Variants in SORBS2 observed in about 807,000 individuals in gnomAD.
SORBS2 encodes the protein sorbin and SH3 domain-containing protein 2.
In SORBS2, 46 loss-of-function variants were observed where a neutral mutation model predicts 97.7. The ratio of observed to expected loss-of-function variants is 0.47; its 90% CI spans 0.37 to 0.60. The LOEUF (loss-of-function observed/expected upper bound fraction) is 0.60. SORBS2 is among the 20% of genes least tolerant of loss of function. The pLI is 0.00. For missense variants in SORBS2, 1,316 were observed against 1,282.3 expected (o/e 1.03, Z -0.40); for synonymous variants, 476 against 473.4 (o/e 1.01, Z -0.07).
intron 1 of SORBS2, among the ~76,000 whole-genome samples, chr4:185,872,077 T>C (rs1160852438): frequency 1.3e-5 from 2 of 152,208 alleles, no homozygotes; most frequent in African/African-American, 4.8e-5. Context: ...TATTAAAAAA[T>C]ACAATGGATT....
chr4:185,649,578 T>A, exon 3 of SORBS2: 1 of 1,604,760 alleles, frequency 6.2e-7, no homozygotes, highest in East Asian at 2.3e-5. Context: ...GTTGTCGGAG[T>A]GGCTTTTGGA....
intron 1 of SORBS2, among the ~76,000 whole-genome samples, chr4:185,797,348 T>A (rs2099109772): frequency 6.6e-6 from 1 of 152,228 alleles, no homozygotes. Context: ...TCGTAATCTT[T>A]TCTTGTGCCC....
chr4:185,699,838 TTAA>T (rs2098234120), intron 2 of SORBS2, among the ~76,000 whole-genome samples: 1 of 152,224 alleles, frequency 6.6e-6, no homozygotes, highest in African/African-American at 2.4e-5. Context: ...AAATGTATTA[TTAA>T]TATTTATATA....
Position 185,752,409 on chromosome 4 carries a change from T to G in SORBS2, c.-198+22818A>C, listed in dbSNP as rs188180707. Among the ~76,000 whole-genome samples, 546 of 152,138 alleles carry G rather than the reference T, an allele frequency of 3.6e-3. 2 individuals are homozygous for G. The highest frequency in any genetic ancestry group is 0.012 in the African/African-American group (504 of 41,508). On this transcript the variant is annotated intron_variant, in intron 2 of 20. Transcript: ENST00000284776. ...TCCTGCCTCAGCCTCCCGAGTAGCTTGGACTACAGGCGCCCGCCACCACAC... is the reference window on the plus strand; with the variant it reads ...TCCTGCCTCAGCCTCCCGAGTAGCTGGGACTACAGGCGCCCGCCACCACAC...
At position 185,614,994 on chromosome 4, in the gene SORBS2, C is replaced by T. The variant is rs7666643; in HGVS notation, c.2467-35G>A. On this transcript the variant is annotated intron_variant, in intron 10 of 14. Transcript: ENST00000418609. The stretch of plus-strand genomic sequence containing the variant: ...AAATAGTCATTTATTCTCAAATCTG[C>T]GGTGACCTTTGAAACCACCGCCATC... The T allele has an allele frequency of 5.3e-3, 8,497 of 1,613,948 alleles. 26 individuals are homozygous for T. The highest frequency in any genetic ancestry group is 6.3e-3 in the Non-Finnish European group (7,446 of 1,179,904).
chr4:185,928,608 C>T (rs568007322), intron 1 of SORBS2, among the ~76,000 whole-genome samples: 8 of 152,110 alleles, frequency 5.3e-5, no homozygotes, highest in Admixed American at 2.0e-4. Context: ...TGCAGTGGCG[C>T]GATCTTGGCT....
rs144875113 is a variant in SORBS2 at position 185,599,048 on chromosome 4, T to C, written c.2797-5113A>G. Among the ~76,000 whole-genome samples, 242 of 152,336 alleles carry C rather than the reference T, an allele frequency of 1.6e-3. 2 individuals are homozygous for C. Among genetic ancestry groups the C allele is most frequent in the African/African-American group, 5.4e-3 (226 of 41,588 alleles). ...CTACAAATTGGCATTTCTGTCTCTATGGCAACACAAAGCTCTGCCTCAGCA... is the reference window on the plus strand; with the variant it reads ...CTACAAATTGGCATTTCTGTCTCTACGGCAACACAAAGCTCTGCCTCAGCA... On this transcript the variant is annotated intron_variant, in intron 12 of 14. Transcript: ENST00000418609.
At chr4:185,649,418 A>G (rs2097271728) in intron 3 of SORBS2, 49 bp downstream of exon 12, 1 of 1,451,066 alleles carries the variant, frequency 6.9e-7, no homozygotes, top group African/African-American at 1.4e-5. Flanking sequence ...ATGTAGACTT[A>G]TTTTTATCCT....
Position 185,684,904 on chromosome 4 carries a change from A to G in SORBS2, c.-197-6082T>C. 1.5e-6 allele frequency: 2 copies of G among 1,292,390 alleles called. No individual in the cohort carries two copies. The highest frequency in any genetic ancestry group is 2.0e-5 in the Admixed American group (1 of 49,016). 80.1% of individuals were successfully genotyped at this position (1,292,390 alleles called of 1,614,324 possible). A position where few individuals can be genotyped will look rare whatever the true frequency, so the allele number is the denominator to read the frequency against. ...AGGCAACGGGAAAAGCACGTGCAATATCATGCGTTTTAAGAGAAATGTGCC... is the reference window on the plus strand; with the variant it reads ...AGGCAACGGGAAAAGCACGTGCAATGTCATGCGTTTTAAGAGAAATGTGCC... On this transcript the variant is annotated intron_variant, in intron 2 of 20. Coordinates refer to the SORBS2 transcript ENST00000284776. This position sits in a 1 kb window ranked among gnomAD's most constrained non-coding sequence, Gnocchi z 4.2.
intron 6 of SORBS2, among the ~76,000 whole-genome samples, chr4:185,626,445 T>C (rs1413144843): frequency 6.6e-6 from 1 of 152,276 alleles, no homozygotes; most frequent in East Asian, 1.9e-4. Context: ...GCTCTGTTGC[T>C]GCTTGTAATT....
chr4:185,723,791 G>A (rs1562130238), intron 2 of SORBS2, among the ~76,000 whole-genome samples: 1 of 152,158 alleles, frequency 6.6e-6, no homozygotes, highest in African/African-American at 2.4e-5. Flanking sequence ...GCAGCACGCT[G>A]ACCTTTCTTC....
At chr4:185,758,364 T>A (rs951475578) in intron 2 of SORBS2, among the ~76,000 whole-genome samples, 2 of 152,216 alleles carry the variant, frequency 1.3e-5, no homozygotes, top group African/African-American at 2.4e-5. Flanking sequence ...TTCTCTTGGC[T>A]GTCAGCACAC....
rs559263247 is a variant in SORBS2 at position 185,881,621 on chromosome 4, G to A, written c.-338+74575C>T. 3.3e-4 allele frequency among the ~76,000 whole-genome samples: 51 copies of A among 152,276 alleles called. No homozygotes were observed. The South Asian group carries it at 0.01, about 30-fold the overall frequency. Reference sequence around the variant, plus strand: ...AGAAAAAATGCCAACAACTTCTGACGATGAAATCCGGTGAAATATGTTATT... The same window carrying A: ...AGAAAAAATGCCAACAACTTCTGACAATGAAATCCGGTGAAATATGTTATT... On this transcript the variant is annotated intron_variant, in intron 1 of 20. Transcript: ENST00000284776.
intron 1 of SORBS2, among the ~76,000 whole-genome samples, chr4:185,791,544 A>T (rs1392314266): frequency 1.3e-5 from 2 of 152,188 alleles, no homozygotes; most frequent in Admixed American, 6.5e-5. Context: ...TAAACAGTGG[A>T]TGTTCTGAAG....
intron 1 of SORBS2, among the ~76,000 whole-genome samples, chr4:185,903,615 G>A (rs72709748): frequency 0.13 from 19,559 of 152,068 alleles, 1,315 homozygotes; most frequent in Middle Eastern, 0.22. Flanking sequence ...GAATGCATTC[G>A]TTAAATAATG....
At chr4:185,673,556 A>G (rs2097752078) in intron 4 of SORBS2, among the ~76,000 whole-genome samples, 1 of 152,212 alleles carries the variant, frequency 6.6e-6, no homozygotes, top group South Asian at 2.1e-4. Flanking sequence ...CAGCTACTGT[A>G]TGTTGAAGAA....
At chr4:185,694,101 A>G (rs573093891) in intron 2 of SORBS2, among the ~76,000 whole-genome samples, 2 of 152,356 alleles carry the variant, frequency 1.3e-5, no homozygotes, top group Admixed American at 6.5e-5. Context: ...TGGGTGACTA[A>G]TAAAAATGCA....
chr4:185,703,479 T>G (rs2098295066), intron 2 of SORBS2, among the ~76,000 whole-genome samples: 1 of 152,172 alleles, frequency 6.6e-6, no homozygotes, highest in Non-Finnish European at 1.5e-5. Flanking sequence ...TATTGGCTTT[T>G]GAAGGAAAAA....
chr4:185,843,948 T>A (rs533819048), intron 1 of SORBS2, among the ~76,000 whole-genome samples: 3 of 152,358 alleles, frequency 2.0e-5, no homozygotes, highest in African/African-American at 7.2e-5. Context: ...TTGGAGGCCT[T>A]ACCTACCTGA....
Sources: allele counts gnomAD v4.1 joint callset (sites outside exome capture counted in the v4.1 genomes callset), GRCh38; gene constraint gnomAD v4.1.1; non-coding constraint Gnocchi (gnomAD v3.1); transcripts MANE v1.5; gene names NCBI Gene and HGNC (gene_info 2026-07-23, HGNC 2026-07-21).